The following PRH1 variants were observed in gnomAD, a reference collection of about 807,000 sequenced individuals.
The protein encoded by PRH1 is salivary acidic proline-rich phosphoprotein 1/2.
In PRH1, 7 loss-of-function variants were observed where a neutral mutation model predicts 7.9. The observed-to-expected ratio is 0.89, with a 90% confidence interval of 0.50 to 1.67. PRH1 has a LOEUF of 1.67. PRH1 is among the 40% of genes most tolerant of loss of function. The pLI, the probability that PRH1 is intolerant of heterozygous loss-of-function variation, is 0.00. For missense variants in PRH1, 109 were observed against 223.6 expected, an observed-to-expected ratio of 0.49 and a Z score of 3.27; for synonymous variants, 45 against 80.8, an observed-to-expected ratio of 0.56 and a Z score of 2.38.
intron 2 of PRH1, chr12:10,891,328 CT>C (rs1949570628): frequency 6.6e-6 from 1 of 152,136 alleles, no homozygotes; most frequent in Non-Finnish European, 1.5e-5. Context: ...TTTGGGAGAT[CT>C]TTAATCTGTC....
rs878894063 is a variant in PRH1, at chr12:11,077,336, C to T, written n.124-30148G>A. On this transcript the variant is annotated intron_variant and non_coding_transcript_variant, in intron 1 of 4. Transcript: ENST00000541977. ...ATCTATGGAGTTGAGGGTTGCTGTC[C>T]TTTCACTAAGCATGTGACCTGACAT... The T allele has an allele frequency of 5.2e-5, 14 of 266,678 alleles. 3 individuals are homozygous for T. Among genetic ancestry groups the T allele is most frequent in the Admixed American group, 3.0e-4 (5 of 16,674 alleles). The allele number at this position is 266,678 out of a possible 1,614,324, so 16.5% of individuals were successfully genotyped here. A position where few individuals can be genotyped will look rare whatever the true frequency, so the allele number is the denominator to read the frequency against.
At chr12:10,992,076 C>T (rs892243478) in intron 1 of PRH1, among the ~76,000 whole-genome samples, 2 of 152,040 alleles carry the variant, frequency 1.3e-5, no homozygotes, top group Non-Finnish European at 2.9e-5. Flanking sequence ...CAGCCTTTGA[C>T]ATTGAAAATC....
intron 1 of PRH1, among the ~76,000 whole-genome samples, chr12:10,987,738 C>T (rs983551282): frequency 6.6e-6 from 1 of 152,052 alleles, no homozygotes; most frequent in South Asian, 2.1e-4. Flanking sequence ...ATCTTTCATG[C>T]TTAAGCATTT....
intron 1 of PRH1, among the ~76,000 whole-genome samples, chr12:11,130,077 G>A (rs1946285870): frequency 6.6e-6 from 1 of 152,162 alleles, no homozygotes; most frequent in Non-Finnish European, 1.5e-5. Context: ...CTTGTGCCCA[G>A]AAGGTTGAGG....
chr12:10,951,315 TA>T (rs1394974377), intron 2 of PRH1, among the ~76,000 whole-genome samples: 1 of 152,162 alleles, frequency 6.6e-6, no homozygotes, highest in Non-Finnish European at 1.5e-5. Flanking sequence ...ACCCAATACA[TA>T]GATCATATAT....
chr12:10,909,477 C>G, intron 2 of PRH1: 1 of 575,676 alleles, frequency 1.7e-6, no homozygotes, highest in Non-Finnish European at 3.1e-6. Flanking sequence ...TCGATCTTCA[C>G]ATAACTGTTC....
intron 1 of PRH1, among the ~76,000 whole-genome samples, chr12:11,102,224 T>C (rs958766596): frequency 4.6e-5 from 7 of 151,898 alleles, no homozygotes; most frequent in African/African-American, 1.2e-4. Flanking sequence ...AAAAAGAGCC[T>C]GCATTGCCAA....
intron 1 of PRH1, chr12:11,031,169 A>G: frequency 6.2e-7 from 1 of 1,614,120 alleles, no homozygotes; most frequent in Non-Finnish European, 8.5e-7. Flanking sequence ...GAGCAAACCA[A>G]CTCTGGAGAC....
intron 1 of PRH1, among the ~76,000 whole-genome samples, chr12:11,029,810 G>A (rs1355868695): frequency 6.6e-6 from 1 of 151,830 alleles, no homozygotes; most frequent in African/African-American, 2.4e-5. Context: ...ATTCTACTGT[G>A]TGCATTCTTT....
intron 1 of PRH1, among the ~76,000 whole-genome samples, chr12:11,083,940 A>C: frequency 2.3e-5 from 1 of 43,612 alleles, no homozygotes. Context: ...TTCTGCTGGG[A>C]CAATTAAGTT....
chr12:11,031,536 C>G, intron 1 of PRH1: 1 of 593,634 alleles, frequency 1.7e-6, no homozygotes, highest in Non-Finnish European at 2.7e-6. Flanking sequence ...ACAAAGCTTC[C>G]ACCGGGAGGA....
At chr12:11,042,602 G>A (rs1942750805) in intron 1 of PRH1, among the ~76,000 whole-genome samples, 1 of 145,046 alleles carries the variant, frequency 6.9e-6, no homozygotes, top group Non-Finnish European at 1.5e-5. Flanking sequence ...TAGAGAAAGA[G>A]GGACTACTTC....
At chr12:11,139,381 G>A (rs1295537608) in intron 1 of PRH1, among the ~76,000 whole-genome samples, 8 of 151,984 alleles carry the variant, frequency 5.3e-5, no homozygotes, top group African/African-American at 1.9e-4. Context: ...CCTCCCTCCT[G>A]ATTATCCCAA....
Position 10,882,316 on chromosome 12 carries a change from T to G in PRH1, c.483A>C (p.Pro161=). ...QQGGHQQGPP[P]PPPGKPQGPP... is the part of the protein sequence containing the mutation. ...GTCCCTGGGGCTTTCCAGGAGGAGG[T>G]GGGGGAGGACCTTGCTGATGGCCTC... is the stretch of plus-strand genomic sequence containing the variant. Residue 161 remains proline (P), a synonymous_variant, in exon 3 of 4, where the codon CCA becomes CCC. Coordinates refer to ENST00000543626, the MANE Select transcript of PRH1 (RefSeq NM_001393989.1). 6.2e-7 allele frequency: 1 copy of G among 1,609,282 alleles called. No individual in the cohort carries two copies. The highest frequency in any genetic ancestry group is 8.5e-7 in the Non-Finnish European group (1 of 1,178,248).
Position 10,939,082 on chromosome 12 carries a change from A to G in PRH1, c.-59+34573T>C, listed in dbSNP as rs150047748. 5.0e-6 allele frequency: 8 copies of G among 1,613,504 alleles called. No individual in the cohort carries two copies. The East Asian group carries it at 1.8e-4, about 36-fold the overall frequency. On this transcript the variant is annotated intron_variant, in intron 2 of 3. Transcript: ENST00000539853. The stretch of plus-strand genomic sequence containing the variant: ...AAGCAGTGAGGATCCGATCAACCGA[A>G]GAGATCTTTCTTCCCTTGACCCAGT...
At chr12:11,134,122 G>C in intron 1 of PRH1, 1 of 1,614,134 alleles carries the variant, frequency 6.2e-7, no homozygotes, top group Admixed American at 1.7e-5. Context: ...CAACAAAGGA[G>C]ATCTTTTGTC....
downstream of PRH1, among the ~76,000 whole-genome samples, chr12:11,118,190 A>C (rs1023664348): frequency 8.5e-5 from 13 of 152,222 alleles, no homozygotes; most frequent in African/African-American, 3.1e-4. Context: ...TAATAACCAG[A>C]ATATAAAAGG....
chr12:11,123,355 G>A (rs1156497902), intron 1 of PRH1, among the ~76,000 whole-genome samples: 5 of 151,518 alleles, frequency 3.3e-5, no homozygotes, highest in African/African-American at 1.2e-4. Flanking sequence ...AGATTTATAC[G>A]GTCCTTGATT....
intron 1 of PRH1, among the ~76,000 whole-genome samples, chr12:10,984,889 G>A (rs1239601048): frequency 6.6e-6 from 1 of 151,268 alleles, no homozygotes; most frequent in Non-Finnish European, 1.5e-5. Flanking sequence ...AGATTTCATA[G>A]ATGCCATTTT....
Sources: gnomAD v4.1 joint callset for allele counts (sites outside exome capture counted in the v4.1 genomes callset) on GRCh38, gnomAD v4.1.1 for gene constraint, MANE v1.5 for transcripts, NCBI Gene and HGNC (gene_info 2026-07-23, HGNC 2026-07-21) for gene names.